NOS1AP: variants seen among roughly 807,000 people sequenced by gnomAD.
NOS1AP encodes carboxyl-terminal PDZ ligand of neuronal nitric oxide synthase protein.
In NOS1AP, 21 loss-of-function variants were observed where a neutral mutation model predicts 56.2. That is an observed-to-expected ratio of 0.37 (90% CI 0.26 to 0.54). NOS1AP has a LOEUF of 0.54. Ranked by LOEUF, NOS1AP falls within the 20% of genes least tolerant of loss-of-function variation. NOS1AP has a pLI of 0.84. For missense variants in NOS1AP, 522 were observed against 657.8 expected, an observed-to-expected ratio of 0.79 and a Z score of 2.26; for synonymous variants, 270 against 274.6, an observed-to-expected ratio of 0.98 and a Z score of 0.17.
At chr1:162,312,756 G>T (rs989972504) in intron 4 of NOS1AP, among the ~76,000 whole-genome samples, 1 of 152,070 alleles carries the variant, frequency 6.6e-6, no homozygotes, top group East Asian at 1.9e-4. Flanking sequence ...AACGAATCCA[G>T]CAGCACGTCA....
chr1:162,071,510 C>T (rs545565173), intron 1 of NOS1AP, among the ~76,000 whole-genome samples: 2 of 151,770 alleles, frequency 1.3e-5, no homozygotes, highest in South Asian at 2.1e-4. Flanking sequence ...CCTTTTTTTC[C>T]CCCTGAATAA....
At chr1:162,235,628 T>C (rs917521106) in intron 2 of NOS1AP, among the ~76,000 whole-genome samples, 3 of 152,074 alleles carry the variant, frequency 2.0e-5, no homozygotes, top group African/African-American at 7.2e-5. Flanking sequence ...ATGCAGTCAC[T>C]ACTCTGCTTA....
intron 1 of NOS1AP, among the ~76,000 whole-genome samples, chr1:162,100,515 T>C (rs1275212289): frequency 6.6e-6 from 1 of 152,224 alleles, no homozygotes; most frequent in Admixed American, 6.5e-5. Context: ...TTGAGTTCAT[T>C]GTAGATTCTG....
At chr1:162,075,845 G>GTCCTTACATTGCTCTCAGATGTCCCA (rs1691754841) in intron 1 of NOS1AP, among the ~76,000 whole-genome samples, 1 of 151,540 alleles carries the variant, frequency 6.6e-6, no homozygotes, top group Admixed American at 6.6e-5. Flanking sequence ...TATTTTATTT[G>GTCCTTACATTGCTCTCAGATGTCCCA]TCCTTACATT....
chr1:162,309,984 G>A (rs1571208878), intron 4 of NOS1AP, among the ~76,000 whole-genome samples: 1 of 152,140 alleles, frequency 6.6e-6, no homozygotes, highest in East Asian at 1.9e-4. Flanking sequence ...GTATTGTTTT[G>A]TGGAGCCAAA....
intron 4 of NOS1AP, among the ~76,000 whole-genome samples, chr1:162,310,249 T>G (rs916179589): frequency 1.3e-5 from 2 of 152,248 alleles, no homozygotes; most frequent in African/African-American, 4.8e-5. Context: ...TCTTTGCTTA[T>G]GATATATACA....
chr1:162,113,402 T>G (rs1647789309), intron 1 of NOS1AP, among the ~76,000 whole-genome samples: 2 of 152,186 alleles, frequency 1.3e-5, no homozygotes, highest in South Asian at 2.1e-4. Context: ...CAAAGGCTGC[T>G]GATGAGGGCA....
intron 1 of NOS1AP, among the ~76,000 whole-genome samples, chr1:162,086,333 C>T (rs961752502): frequency 5.9e-5 from 9 of 152,042 alleles, no homozygotes; most frequent in African/African-American, 1.9e-4. Flanking sequence ...TGGTAGTGGT[C>T]GGAGCTAGGG....
At chr1:162,355,143 C>T (rs555344698) in intron 6 of NOS1AP, 44 bp from the exon 7 acceptor site, 71 of 1,608,800 alleles carry the variant, frequency 4.4e-5, no homozygotes, top group South Asian at 5.5e-5. Flanking sequence ...ACTTTGTTCT[C>T]GGTGTTTTCA....
intron 1 of NOS1AP, among the ~76,000 whole-genome samples, chr1:162,105,038 G>A (rs1571013950): frequency 2.0e-5 from 3 of 152,152 alleles, no homozygotes; most frequent in Non-Finnish European, 4.4e-5. Context: ...ATCTTTATGG[G>A]CCTATCTACC....
At chr1:162,357,713 G>A (rs1286842973) in intron 8 of NOS1AP, among the ~76,000 whole-genome samples, 1 of 151,964 alleles carries the variant, frequency 6.6e-6, no homozygotes, top group African/African-American at 2.4e-5. Context: ...TGTATTATTT[G>A]AGCCATAATG....
rs142924597 is a variant in NOS1AP at position 162,082,058 on chromosome 1, C to T, written c.105+11776C>T. Among the ~76,000 whole-genome samples, 417 of 152,000 alleles carry T rather than the reference C, an allele frequency of 2.7e-3. 1 individual carries two copies. Among genetic ancestry groups the T allele is most frequent in the Non-Finnish European group, 4.0e-3 (275 of 67,952 alleles). ...TCAGGTATTAAACCTAGGACTCATT[C>T]GTTCTTTTTCCTGATCCTCTCCCTC... On this transcript the variant is annotated intron_variant, in intron 1 of 9. Coordinates refer to ENST00000361897, the MANE Select transcript of NOS1AP (RefSeq NM_014697.3).
At chr1:162,075,533 G>A (rs1190387694) in intron 1 of NOS1AP, among the ~76,000 whole-genome samples, 1 of 152,198 alleles carries the variant, frequency 6.6e-6, no homozygotes, top group Non-Finnish European at 1.5e-5. Context: ...TGACTCGTCT[G>A]AGCCTGCATG....
chr1:162,327,006 A>G (rs977877282), intron 4 of NOS1AP, among the ~76,000 whole-genome samples: 5 of 152,244 alleles, frequency 3.3e-5, no homozygotes, highest in South Asian at 4.1e-4. Flanking sequence ...AGTATACAAT[A>G]TGGAAAGCAG....
chr1:162,235,476 T>G (rs1183678760), intron 2 of NOS1AP, among the ~76,000 whole-genome samples: 3 of 151,890 alleles, frequency 2.0e-5, no homozygotes. Flanking sequence ...CTGTTGCGCA[T>G]ACCTGGAAAG....
intron 2 of NOS1AP, among the ~76,000 whole-genome samples, chr1:162,280,602 C>T (rs1287480716): frequency 6.6e-6 from 1 of 152,176 alleles, no homozygotes; most frequent in South Asian, 2.1e-4. Flanking sequence ...GGATTTAGAA[C>T]TTGAGTTTTA....
At chr1:162,254,725 T>G (rs1185954422) in intron 2 of NOS1AP, among the ~76,000 whole-genome samples, 1 of 152,210 alleles carries the variant, frequency 6.6e-6, no homozygotes, top group Non-Finnish European at 1.5e-5. Context: ...ATGCCATAGT[T>G]TATAGCATAT....
intron 4 of NOS1AP, among the ~76,000 whole-genome samples, chr1:162,313,585 T>C (rs993905223): frequency 6.6e-6 from 1 of 152,178 alleles, no homozygotes; most frequent in African/African-American, 2.4e-5. Flanking sequence ...GGAATGCAAC[T>C]CATCCCAAAT....
At chr1:162,183,768 A>C (rs886962339) in intron 2 of NOS1AP, among the ~76,000 whole-genome samples, 3 of 152,220 alleles carry the variant, frequency 2.0e-5, no homozygotes, top group African/African-American at 7.2e-5. Context: ...GAAGAGTTAG[A>C]GCCTTGCTCT....
Sources: gnomAD v4.1 joint callset for allele counts (sites outside exome capture counted in the v4.1 genomes callset) on GRCh38, gnomAD v4.1.1 for gene constraint, MANE v1.5 for transcripts, NCBI Gene and HGNC (gene_info 2026-07-23, HGNC 2026-07-21) for gene names.